The following AKT3 variants were observed in gnomAD, a reference collection of about 807,000 sequenced individuals.
AKT3 encodes AKT serine/threonine kinase 3.
A neutral mutation model predicts 65.3 loss-of-function variants in AKT3; 15 were observed. The observed-to-expected ratio is 0.23, with a 90% confidence interval of 0.15 to 0.35. The LOEUF (loss-of-function observed/expected upper bound fraction) is 0.35. Ranked by LOEUF, AKT3 falls within the 10% of genes least tolerant of loss-of-function variation. AKT3 has a pLI of 1.00. For synonymous variants in AKT3, 206 were observed against 183.8 expected (o/e 1.12, Z -0.98); for missense variants, 243 against 576.5 (o/e 0.42, Z 5.92).
chr1:243,814,985 C>G (rs1307278659), intron 2 of AKT3, among the ~76,000 whole-genome samples: 1 of 152,182 alleles, frequency 6.6e-6, no homozygotes, highest in African/African-American at 2.4e-5. Flanking sequence ...AAAGTCACAA[C>G]TTCAAAACAC....
chr1:243,514,777 G>A (rs1670242393), intron 12 of AKT3, among the ~76,000 whole-genome samples: 2 of 152,152 alleles, frequency 1.3e-5, no homozygotes, highest in South Asian at 4.1e-4. Context: ...TGTGAGCCAA[G>A]ATTATGCTAT....
At position 243,500,057 on chromosome 1, in the gene AKT3, T is replaced by C. The variant is rs754820382; in HGVS notation, c.*5192A>G. On this transcript the variant is annotated 3_prime_UTR_variant, in exon 14 of 14. Transcript: ENST00000673466. The stretch of plus-strand genomic sequence containing the variant: ...ATCTGCTCATTCGTATGCTAGGTTA[T>C]ACATATGATTTTCAATAAATGAACT... 3.0e-5 allele frequency: 14 copies of C among 462,690 alleles called. No individual in the cohort carries two copies. Among genetic ancestry groups the C allele is most frequent in the Non-Finnish European group, 5.3e-5 (14 of 261,728 alleles). 28.7% of individuals were successfully genotyped at this position (462,690 alleles called of 1,614,324 possible).
At chr1:243,591,554 C>T (rs1042260564) in intron 8 of AKT3, among the ~76,000 whole-genome samples, 5 of 151,810 alleles carry the variant, frequency 3.3e-5, no homozygotes, top group Non-Finnish European at 5.9e-5. Flanking sequence ...AAATAATAAC[C>T]TATAATCAGG....
At chr1:243,777,989 G>A (rs1690664487) in intron 2 of AKT3, among the ~76,000 whole-genome samples, 3 of 151,948 alleles carry the variant, frequency 2.0e-5, no homozygotes, top group Admixed American at 1.3e-4. Context: ...TCCTAAATAG[G>A]CCCTGTTAGA....
intron 2 of AKT3, among the ~76,000 whole-genome samples, chr1:243,808,957 A>C (rs1450701885): frequency 6.6e-6 from 1 of 152,202 alleles, no homozygotes; most frequent in Non-Finnish European, 1.5e-5. Context: ...GGAGAAATAA[A>C]ATACTTTACA....
intron 12 of AKT3, 42 bp downstream of exon 12, chr1:243,545,468 G>T: frequency 8.3e-7 from 1 of 1,199,552 alleles, no homozygotes; most frequent in Non-Finnish European, 1.2e-6. Context: ...TTTTAGCAGT[G>T]CAGCCAAAAT....
intron 2 of AKT3, among the ~76,000 whole-genome samples, chr1:243,816,339 A>T (rs1029854115): frequency 1.3e-4 from 20 of 152,092 alleles, no homozygotes; most frequent in African/African-American, 4.8e-4. Flanking sequence ...ACATGTAAAA[A>T]CTCAGTAGTG....
chr1:243,716,179 C>T (rs781539364), intron 2 of AKT3, among the ~76,000 whole-genome samples: 2 of 151,732 alleles, frequency 1.3e-5, no homozygotes, highest in Admixed American at 1.3e-4. Context: ...ATATCCTTTA[C>T]CTAAAGGGGA....
intron 2 of AKT3, among the ~76,000 whole-genome samples, chr1:243,729,773 T>C (rs1393163380): frequency 1.3e-5 from 2 of 152,222 alleles, no homozygotes; most frequent in Non-Finnish European, 2.9e-5. Context: ...ACATAAAATA[T>C]TAGTAATATC....
At chr1:243,730,137 G>GT in intron 2 of AKT3, among the ~76,000 whole-genome samples, 1 of 152,114 alleles carries the variant, frequency 6.6e-6, no homozygotes. Flanking sequence ...ATGAAATGGT[G>GT]TTTTTTCCAG....
chr1:243,489,989 C>G (rs997961107), intron 13 of AKT3, among the ~76,000 whole-genome samples: 2 of 152,202 alleles, frequency 1.3e-5, no homozygotes, highest in African/African-American at 2.4e-5. Context: ...ATGAGGTGGT[C>G]CGTGGGCTGA....
chr1:243,686,278 T>C (rs1684285049), intron 3 of AKT3, among the ~76,000 whole-genome samples: 1 of 152,074 alleles, frequency 6.6e-6, no homozygotes, highest in Admixed American at 6.6e-5. Flanking sequence ...GATGTCTTCT[T>C]TTTTGGCCAG....
At chr1:243,830,779 C>G (rs1694458548) in intron 2 of AKT3, among the ~76,000 whole-genome samples, 1 of 152,086 alleles carries the variant, frequency 6.6e-6, no homozygotes, top group Non-Finnish European at 1.5e-5. Flanking sequence ...TCTTCCAAAC[C>G]ATAAAAACTA....
intron 1 of AKT3, among the ~76,000 whole-genome samples, chr1:243,845,200 T>G (rs1318502380): frequency 6.6e-6 from 1 of 151,816 alleles, no homozygotes; most frequent in Admixed American, 6.6e-5. Flanking sequence ...CCTGACTAAA[T>G]AGCCTGACAA....
chr1:243,502,220 T>C lies in AKT3; in HGVS notation c.*3029A>G, dbSNP rs973540510. On this transcript the variant is annotated 3_prime_UTR_variant, in exon 14 of 14. Transcript: ENST00000673466. ...AAACAGTAGCAGCAAAGTGTGTATG[T>C]TGAGGTGTAATAGAGAGACCCTGCA... 2.6e-5 allele frequency: 6 copies of C among 232,546 alleles called. No homozygotes were observed. The highest frequency in any genetic ancestry group is 6.1e-5 in the East Asian group (1 of 16,476). The allele number at this position is 232,546 out of a possible 1,614,324, so 14.4% of individuals were successfully genotyped here.
intron 9 of AKT3, among the ~76,000 whole-genome samples, chr1:243,570,413 T>G (rs1057188254): frequency 6.6e-5 from 10 of 152,214 alleles, no homozygotes; most frequent in Non-Finnish European, 8.8e-5. Flanking sequence ...GCAGTTTAAT[T>G]TGAAGTTTAG....
At chr1:243,495,137 G>T (rs1456158447), downstream of AKT3, among the ~76,000 whole-genome samples, 1 of 152,224 alleles carries the variant, frequency 6.6e-6, no homozygotes, top group Non-Finnish European at 1.5e-5. Flanking sequence ...CCCACGGTTG[G>T]GAAGGAACCC....
At chr1:243,537,459 A>T (rs1672011456) in intron 12 of AKT3, among the ~76,000 whole-genome samples, 1 of 152,158 alleles carries the variant, frequency 6.6e-6, no homozygotes, top group African/African-American at 2.4e-5. Flanking sequence ...TTTCCCCAGT[A>T]TTATCAGACT....
intron 3 of AKT3, among the ~76,000 whole-genome samples, chr1:243,669,875 C>A (rs1191039859): frequency 1.3e-5 from 2 of 152,086 alleles, no homozygotes. Flanking sequence ...AAAATAGTAA[C>A]ATAATGACTA....
Sources: gnomAD v4.1 joint callset for allele counts (sites outside exome capture counted in the v4.1 genomes callset) on GRCh38, gnomAD v4.1.1 for gene constraint, MANE v1.5 for transcripts, NCBI Gene and HGNC (gene_info 2026-07-23, HGNC 2026-07-21) for gene names.